The following SHISA9 variants were observed in gnomAD, a reference collection of about 807,000 sequenced individuals.
SHISA9 encodes the protein shisa family member 9.
SHISA9 carries 13 observed loss-of-function variants against 38.0 expected under a neutral mutation model. The ratio of observed to expected loss-of-function variants is 0.34; its 90% CI spans 0.22 to 0.54. The LOEUF is 0.54. Ranked by LOEUF, SHISA9 falls within the 20% of genes least tolerant of loss-of-function variation. SHISA9 has a pLI of 0.91. For synonymous variants in SHISA9, 275 were observed against 242.0 expected, an observed-to-expected ratio of 1.14 and a Z score of -1.27; for missense variants, 538 against 575.8, an observed-to-expected ratio of 0.93 and a Z score of 0.67.
chr16:12,993,580 C>A (rs1198455653), intron 2 of SHISA9, among the ~76,000 whole-genome samples: 1 of 152,146 alleles, frequency 6.6e-6, no homozygotes, highest in Non-Finnish European at 1.5e-5. Flanking sequence ...GAGCATCTAC[C>A]ATGGGCACTG....
chr16:13,087,286 A>G (rs1189496707), intron 2 of SHISA9, among the ~76,000 whole-genome samples: 1 of 151,672 alleles, frequency 6.6e-6, no homozygotes, highest in Non-Finnish European at 1.5e-5. Context: ...CGCAATAAAC[A>G]TACGTGTGCG....
chr16:13,225,907 T>TTTC (rs1393205760), intron 4 of SHISA9, among the ~76,000 whole-genome samples: 2 of 152,188 alleles, frequency 1.3e-5, no homozygotes, highest in African/African-American at 4.8e-5. Context: ...CACCTTTTCC[T>TTTC]TTCTTCTTCT....
At chr16:12,903,798 G>T (rs980642839) in intron 1 of SHISA9, among the ~76,000 whole-genome samples, 1 of 152,326 alleles carries the variant, frequency 6.6e-6, no homozygotes, top group South Asian at 2.1e-4. Context: ...TCTGCCGGGG[G>T]CCTGTGTGTG....
intron 2 of SHISA9, among the ~76,000 whole-genome samples, chr16:13,025,833 T>C (rs1248781802): frequency 6.6e-6 from 1 of 152,096 alleles, no homozygotes; most frequent in East Asian, 1.9e-4. Flanking sequence ...GGGATGGAGT[T>C]TTCCTCTTGT....
At chr16:13,056,938 C>A (rs1008087765) in intron 2 of SHISA9, among the ~76,000 whole-genome samples, 1 of 152,204 alleles carries the variant, frequency 6.6e-6, no homozygotes, top group Non-Finnish European at 1.5e-5. Context: ...GATAGTGAAT[C>A]TGGCAGGTGT....
the SHISA9 span, among the ~76,000 whole-genome samples, chr16:13,552,010 G>A: frequency 7.9e-5 from 12 of 152,044 alleles, no homozygotes; most frequent in Non-Finnish European, 1.8e-4. Context: ...CTGGGTAACA[G>A]AACGAGACTC....
At chr16:13,466,060 C>A in the SHISA9 span, among the ~76,000 whole-genome samples, 2 of 152,292 alleles carry the variant, frequency 1.3e-5, no homozygotes, top group East Asian at 3.9e-4. Context: ...GGGATGTGCA[C>A]CATTAACCAT....
At chr16:12,970,326 C>CATATATATATATATATACATATATGTGT (rs2072038835) in intron 2 of SHISA9, among the ~76,000 whole-genome samples, 1 of 73,608 alleles carries the variant, frequency 1.4e-5, no homozygotes, top group South Asian at 3.8e-4. Flanking sequence ...GGTATATATA[C>CATATATATATATATATACATATATGTGT]ATATATATAT....
At chr16:12,924,930 C>A (rs1016346450) in intron 2 of SHISA9, among the ~76,000 whole-genome samples, 2 of 152,108 alleles carry the variant, frequency 1.3e-5, no homozygotes, top group Non-Finnish European at 2.9e-5. Flanking sequence ...ACTATGTCTA[C>A]CTTACAAGGT....
chr16:13,066,903 A>G, intron 2 of SHISA9, among the ~76,000 whole-genome samples: 1 of 152,196 alleles, frequency 6.6e-6, no homozygotes, highest in East Asian at 1.9e-4. Flanking sequence ...TTGAGACTCT[A>G]GAAGTTTTGT....
chr16:13,424,481 G>T, the SHISA9 span, among the ~76,000 whole-genome samples: 9 of 152,192 alleles, frequency 5.9e-5, no homozygotes, highest in African/African-American at 2.2e-4. Flanking sequence ...CCTGACTGCA[G>T]TAAGATTGGG....
chr16:13,228,140 C>G (rs1223247128), intron 4 of SHISA9, among the ~76,000 whole-genome samples: 2 of 152,158 alleles, frequency 1.3e-5, no homozygotes, highest in Non-Finnish European at 2.9e-5. Flanking sequence ...AAGTGGTGTT[C>G]CCAAGGTCTC....
intron 2 of SHISA9, among the ~76,000 whole-genome samples, chr16:13,002,785 G>A (rs376684806): frequency 5.3e-4 from 81 of 152,088 alleles, no homozygotes; most frequent in African/African-American, 1.8e-3. Flanking sequence ...TGCCTGCCTC[G>A]CCCTCCCAAA....
At chr16:12,922,734 G>T (rs1296205479) in intron 2 of SHISA9, among the ~76,000 whole-genome samples, 1 of 152,166 alleles carries the variant, frequency 6.6e-6, no homozygotes, top group Admixed American at 6.5e-5. Context: ...TGGCCAGGCT[G>T]GTCTTGAACT....
At chr16:13,268,658 C>A in the SHISA9 span, among the ~76,000 whole-genome samples, 4 of 152,048 alleles carry the variant, frequency 2.6e-5, no homozygotes, top group South Asian at 4.2e-4. Flanking sequence ...TCAATGTGAG[C>A]GTATTTTCCT....
the SHISA9 span, among the ~76,000 whole-genome samples, chr16:13,362,683 AT>A: frequency 6.6e-6 from 1 of 152,300 alleles, no homozygotes; most frequent in Admixed American, 6.5e-5. Flanking sequence ...CCTAAGCCTT[AT>A]CCCATATCCC....
At chr16:13,116,701 C>G (rs16961164) in intron 2 of SHISA9, among the ~76,000 whole-genome samples, 7,361 of 152,192 alleles carry the variant, frequency 0.048, 277 homozygotes, top group East Asian at 0.17. Context: ...AATTGCTAAT[C>G]TAGACTGAGT....
chr16:13,364,615 A>T, the SHISA9 span, among the ~76,000 whole-genome samples: 1 of 152,258 alleles, frequency 6.6e-6, no homozygotes. Flanking sequence ...TAAATAGAAA[A>T]TTCAATGATA....
At chr16:13,025,172 C>A (rs902643780) in intron 2 of SHISA9, among the ~76,000 whole-genome samples, 2 of 152,024 alleles carry the variant, frequency 1.3e-5, no homozygotes, top group East Asian at 3.8e-4. Flanking sequence ...TTATAATTGT[C>A]TATTTATTAT....
Sources: gnomAD v4.1 joint callset for allele counts (sites outside exome capture counted in the v4.1 genomes callset) on GRCh38, gnomAD v4.1.1 for gene constraint, MANE v1.5 for transcripts, NCBI Gene and HGNC (gene_info 2026-07-23, HGNC 2026-07-21) for gene names.